The following INPP5D variants were observed in gnomAD, a reference collection of about 807,000 sequenced individuals.
The protein encoded by INPP5D is inositol polyphosphate-5-phosphatase D.
Under a neutral mutation model 122.9 loss-of-function variants are expected in INPP5D, and 33 were observed. That is an observed-to-expected ratio of 0.27 (90% CI 0.20 to 0.36). The LOEUF is 0.36. INPP5D is among the 10% of genes least tolerant of loss of function. The pLI, the probability that INPP5D is intolerant of heterozygous loss-of-function variation, is 1.00. For missense variants in INPP5D, 1,053 were observed against 1,412.7 expected (o/e 0.75, Z 4.08); for synonymous variants, 584 against 576.2 (o/e 1.01, Z -0.19).
chr2:233,196,448 T>TA (rs143926042), intron 24 of INPP5D, among the ~76,000 whole-genome samples: 1,749 of 152,316 alleles, frequency 0.011, 30 homozygotes, highest in African/African-American at 0.04. Context: ...CATGAAGAAG[T>TA]GACTGCGGAG....
chr2:233,086,814 A>G (rs1284600448), intron 2 of INPP5D, among the ~76,000 whole-genome samples: 1 of 152,172 alleles, frequency 6.6e-6, no homozygotes, highest in East Asian at 1.9e-4. Flanking sequence ...GAAAATTTCA[A>G]ATTGAATATC....
intron 1 of INPP5D, among the ~76,000 whole-genome samples, chr2:233,063,340 A>C (rs1191740597): frequency 6.6e-6 from 1 of 152,206 alleles, no homozygotes; most frequent in Non-Finnish European, 1.5e-5. Context: ...CCTGGGCCCC[A>C]GCAGCACTCC....
intron 3 of INPP5D, among the ~76,000 whole-genome samples, chr2:233,124,610 T>C (rs1376437802): frequency 1.3e-5 from 2 of 152,170 alleles, no homozygotes; most frequent in East Asian, 1.9e-4. Flanking sequence ...TGGCTGCACC[T>C]GAACAGCTGC....
intron 5 of INPP5D, among the ~76,000 whole-genome samples, chr2:233,131,649 G>A (rs776675773): frequency 2.6e-5 from 4 of 152,128 alleles, no homozygotes; most frequent in African/African-American, 4.8e-5. Flanking sequence ...GTGGTGAGCC[G>A]AGATCTCGCC....
chr2:233,182,553 G>A, intron 19 of INPP5D, 54 bp downstream of exon 19: 1 of 1,603,742 alleles, frequency 6.2e-7, no homozygotes, highest in Non-Finnish European at 8.5e-7. Context: ...AAGGAGTGTT[G>A]GGAGCTTGTC....
At chr2:233,125,193 C>T (rs1444961844) in intron 3 of INPP5D, among the ~76,000 whole-genome samples, 4 of 152,350 alleles carry the variant, frequency 2.6e-5, no homozygotes, top group African/African-American at 4.8e-5. Flanking sequence ...GGAACCCCCT[C>T]GCTTTCTTTT....
chr2:233,077,038 A>G (rs1691537954), intron 1 of INPP5D, among the ~76,000 whole-genome samples: 1 of 152,248 alleles, frequency 6.6e-6, no homozygotes, highest in Non-Finnish European at 1.5e-5. Context: ...ATCACTAATA[A>G]ACGTCAACAC....
At position 233,189,794 on chromosome 2, in the gene INPP5D, G is replaced by A; in HGVS notation, c.2359-56G>A. ...TCTTCATCCACTTGTCCACCCACCTGTCCCCTCACCTGTCCCTTGCCCATC... is the reference window on the plus strand; with the variant it reads ...TCTTCATCCACTTGTCCACCCACCTATCCCCTCACCTGTCCCTTGCCCATC... On this transcript the variant is annotated intron_variant, in intron 21 of 26. Transcript: ENST00000445964. This position sits in a 1 kb window ranked among gnomAD's most constrained non-coding sequence, Gnocchi z 5.6. 1.3e-6 allele frequency: 2 copies of A among 1,589,808 alleles called. No homozygotes were observed. Among genetic ancestry groups the A allele is most frequent in the Non-Finnish European group, 8.6e-7 (1 of 1,168,672 alleles).
intron 13 of INPP5D, among the ~76,000 whole-genome samples, 153 bp from the exon 14 acceptor site, chr2:233,169,152 C>T (rs1402711844): frequency 6.6e-6 from 1 of 152,184 alleles, no homozygotes; most frequent in African/African-American, 2.4e-5. Flanking sequence ...CCGCTCTCTG[C>T]CCAGCGGCTC....
At chr2:233,079,272 T>C (rs1380236683) in intron 1 of INPP5D, 63 bp from the exon 2 acceptor site, 1 of 1,035,330 alleles carries the variant, frequency 9.7e-7, no homozygotes, top group African/African-American at 1.6e-5. Context: ...GTCTTGTCTT[T>C]TCAGTTAAGA....
intron 26 of INPP5D, 42 bp downstream of exon 26, chr2:233,204,759 T>TGTGC: frequency 6.9e-7 from 1 of 1,453,430 alleles, no homozygotes; most frequent in East Asian, 2.5e-5. Flanking sequence ...TTTGTGTGTG[T>TGTGC]GTGCATGCGT....
intron 22 of INPP5D, among the ~76,000 whole-genome samples, chr2:233,193,480 T>G (rs918623089): frequency 6.6e-5 from 10 of 152,366 alleles, no homozygotes; most frequent in Non-Finnish European, 1.5e-4. Flanking sequence ...TAAACTTGCA[T>G]GTCCTCTTGC....
chr2:233,131,997 C>T (rs753405261), intron 5 of INPP5D, among the ~76,000 whole-genome samples: 4 of 152,166 alleles, frequency 2.6e-5, no homozygotes, highest in Non-Finnish European at 5.9e-5. Context: ...AAGCACTCAC[C>T]AAATTGGCCA....
chr2:233,086,446 T>C (rs1691853384), intron 2 of INPP5D, among the ~76,000 whole-genome samples: 2 of 152,086 alleles, frequency 1.3e-5, no homozygotes, highest in Non-Finnish European at 2.9e-5. Flanking sequence ...CCCAAAGTGC[T>C]GGGATTACAG....
At chr2:233,094,063 A>T (rs1391081893) in intron 2 of INPP5D, among the ~76,000 whole-genome samples, 2 of 152,156 alleles carry the variant, frequency 1.3e-5, no homozygotes, top group African/African-American at 4.8e-5. Flanking sequence ...CACAGGCCAC[A>T]TGGGGTCACA....
intron 6 of INPP5D, among the ~76,000 whole-genome samples, chr2:233,142,101 C>T (rs1693643620): frequency 1.3e-5 from 2 of 152,304 alleles, no homozygotes; most frequent in Non-Finnish European, 2.9e-5. Context: ...CGAGAAAAAG[C>T]CTCGTGAGAG....
At chr2:233,142,958 G>A (rs1163254407) in intron 6 of INPP5D, among the ~76,000 whole-genome samples, 1 of 152,100 alleles carries the variant, frequency 6.6e-6, no homozygotes, top group African/African-American at 2.4e-5. Context: ...CCCCAGCTGT[G>A]ACAACTGGAA....
chr2:233,078,015 G>T lies in INPP5D; in HGVS notation c.135-1320G>T, dbSNP rs1229423976. ...GCTGGTCCTGTCTACAGGGCTCTAC[G>T]GGCCAGGTGAGCCTTCCGGGCTCAG... On this transcript the variant is annotated intron_variant, in intron 1 of 26. Transcript: ENST00000445964. The surrounding 1 kb of genome is among the most constrained non-coding windows in gnomAD (Gnocchi z 4.6). Among the ~76,000 whole-genome samples the T allele has an allele frequency of 6.6e-6, 1 of 152,188 alleles. No individual in the cohort carries two copies. The highest frequency in any genetic ancestry group is 2.1e-4 in the South Asian group (1 of 4,828).
intron 5 of INPP5D, chr2:233,130,975 C>T (rs897472747): frequency 2.5e-5 from 12 of 478,918 alleles, no homozygotes; most frequent in Non-Finnish European, 4.3e-5. Context: ...TTTGCTGCTG[C>T]TCTTGCTGTT....
Sources: allele counts gnomAD v4.1 joint callset (sites outside exome capture counted in the v4.1 genomes callset), GRCh38; gene constraint gnomAD v4.1.1; non-coding constraint Gnocchi (gnomAD v3.1); transcripts MANE v1.5; gene names NCBI Gene and HGNC (gene_info 2026-07-23, HGNC 2026-07-21).